The following PRIMA1 variants were observed in gnomAD, a reference collection of about 807,000 sequenced individuals.
PRIMA1 encodes proline rich membrane anchor 1.
A neutral mutation model predicts 17.5 loss-of-function variants in PRIMA1; 7 were observed. The ratio of observed to expected loss-of-function variants is 0.40; its 90% CI spans 0.23 to 0.75. The LOEUF is 0.75. Ranked by LOEUF, PRIMA1 falls within the 30% of genes least tolerant of loss-of-function variation. The pLI is 0.37. For synonymous variants in PRIMA1, 97 were observed against 77.9 expected, an observed-to-expected ratio of 1.25 and a Z score of -1.29; for missense variants, 200 against 201.8, an observed-to-expected ratio of 0.99 and a Z score of 0.05.
intron 4 of PRIMA1, among the ~76,000 whole-genome samples, chr14:93,731,267 G>A (rs1204342380): frequency 6.6e-6 from 1 of 152,234 alleles, no homozygotes; most frequent in Non-Finnish European, 1.5e-5. Flanking sequence ...ATCTTCCACA[G>A]TGGAAAGTAA....
chr14:93,743,909 C>T (rs914107757), intron 3 of PRIMA1, among the ~76,000 whole-genome samples: 4 of 152,216 alleles, frequency 2.6e-5, no homozygotes, highest in East Asian at 1.9e-4. Flanking sequence ...TGAAAGGGGG[C>T]GGGACGCTGA....
At chr14:93,729,911 A>G (rs1595191514) in intron 4 of PRIMA1, among the ~76,000 whole-genome samples, 4 of 132,592 alleles carry the variant, frequency 3.0e-5, no homozygotes, top group East Asian at 4.3e-4. Context: ...GTTGAGAGGG[A>G]GGGGGCAGGA....
intron 3 of PRIMA1, among the ~76,000 whole-genome samples, chr14:93,771,048 G>T (rs141867219): frequency 2.1e-4 from 13 of 60,738 alleles, no homozygotes; most frequent in African/African-American, 5.6e-4. Context: ...AATTCAAAGT[G>T]AGTGCATGTA....
At chr14:93,732,783 G>C (rs2076123208) in intron 4 of PRIMA1, among the ~76,000 whole-genome samples, 1 of 151,334 alleles carries the variant, frequency 6.6e-6, no homozygotes, top group Non-Finnish European at 1.5e-5. Flanking sequence ...AGGCCACAGA[G>C]GGAAGCGATA....
At position 93,787,714 on chromosome 14, in the gene PRIMA1, A is replaced by T; in HGVS notation, c.5T>A (p.Leu2His). MLLRDLVLRRGC... is the reference protein window; with the variant it reads MHLRDLVLRRGC... ...ACGGCGCAGCACCAAGTCCCGGAGG[A>T]GCATCTCGGCCAGCGGCGCCCGCTC... The change falls in exon 2 of 5, where the codon CTC becomes CAC. Residue 2 changes from leucine (L) to histidine (H), a missense_variant. Coordinates refer to ENST00000393140, the MANE Select transcript of PRIMA1 (RefSeq NM_178013.4). 1 of 1,543,532 alleles carries T rather than the reference A, an allele frequency of 6.5e-7. No homozygotes were observed. Among genetic ancestry groups the T allele is most frequent in the Non-Finnish European group, 8.7e-7 (1 of 1,146,508 alleles).
intron 3 of PRIMA1, among the ~76,000 whole-genome samples, chr14:93,762,561 C>T (rs897919152): frequency 1.3e-5 from 2 of 152,104 alleles, no homozygotes; most frequent in Admixed American, 1.3e-4. Flanking sequence ...ACCATTCTCA[C>T]ATCCCCCCTG....
At chr14:93,743,979 C>T (rs371483749) in intron 3 of PRIMA1, among the ~76,000 whole-genome samples, 2 of 152,210 alleles carry the variant, frequency 1.3e-5, no homozygotes, top group Non-Finnish European at 2.9e-5. Flanking sequence ...CTGAAGCGCC[C>T]GCTGGTTTTG....
chr14:93,775,116 C>G (rs1176190364), intron 3 of PRIMA1, among the ~76,000 whole-genome samples: 3 of 152,106 alleles, frequency 2.0e-5, no homozygotes, highest in Non-Finnish European at 2.9e-5. Context: ...AGAACAGGTG[C>G]CTGGCAAATG....
intron 4 of PRIMA1, chr14:93,725,790 C>T (rs2076071634): frequency 1.1e-5 from 4 of 361,622 alleles, no homozygotes; most frequent in Middle Eastern, 4.4e-4. Flanking sequence ...GCTGGCCCCA[C>T]CGGCTGGCAG....
At chr14:93,782,006 G>A (rs112054850) in intron 2 of PRIMA1, among the ~76,000 whole-genome samples, 15,963 of 150,404 alleles carry the variant, frequency 0.11, 886 homozygotes, top group Admixed American at 0.2. Flanking sequence ...AGTGGCTCAC[G>A]CCTGTAATCC....
chr14:93,746,436 G>A (rs556023014), intron 3 of PRIMA1, among the ~76,000 whole-genome samples: 1 of 152,098 alleles, frequency 6.6e-6, no homozygotes, highest in Non-Finnish European at 1.5e-5. Context: ...CAGGTATCTG[G>A]GGGAAGGAAT....
rs1595183174 is a variant in PRIMA1, at chr14:93,718,438, T to C, written c.*3006A>G. On this transcript the variant is annotated 3_prime_UTR_variant, in exon 5 of 5. Transcript: ENST00000393140. ...GAAACCAACCTTAATGGCTTGTTGG[T>C]GGATAAGACGGCATCAACTTGTACA... 1.3e-5 allele frequency: 2 copies of C among 152,674 alleles called. No individual in the cohort carries two copies. The highest frequency in any genetic ancestry group is 1.5e-5 in the Non-Finnish European group (1 of 68,034). 9.5% of individuals were successfully genotyped at this position (152,674 alleles called of 1,614,324 possible). A position where few individuals can be genotyped will look rare whatever the true frequency, so the allele number is the denominator to read the frequency against.
At chr14:93,784,769 G>A (rs534672532) in intron 2 of PRIMA1, among the ~76,000 whole-genome samples, 49 of 152,208 alleles carry the variant, frequency 3.2e-4, no homozygotes, top group Non-Finnish European at 4.6e-4. Context: ...CTCTTGCCCC[G>A]GGTCCAAGCT....
chr14:93,781,960 A>T (rs72631625), intron 2 of PRIMA1, among the ~76,000 whole-genome samples: 8 of 150,912 alleles, frequency 5.3e-5, no homozygotes, highest in Admixed American at 5.3e-4. Context: ...GCGACAGAGC[A>T]AAACTCCAGT....
rs1374714796 is a variant in PRIMA1, at chr14:93,718,575, A to G, written c.*2869T>C. ...CACATTCATGCATTACGTATCTCAC[A>G]CTACCTGGGCAGTTTAACTCATACT... On this transcript the variant is annotated 3_prime_UTR_variant, in exon 5 of 5. Coordinates refer to ENST00000393140, the MANE Select transcript of PRIMA1 (RefSeq NM_178013.4). 6.6e-6 allele frequency: 1 copy of G among 152,572 alleles called. No homozygotes were observed. Among genetic ancestry groups the G allele is most frequent in the East Asian group, 1.9e-4 (1 of 5,200 alleles). The allele number at this position is 152,572 out of a possible 1,614,324, so 9.5% of individuals were successfully genotyped here. A position where few individuals can be genotyped will look rare whatever the true frequency, so the allele number is the denominator to read the frequency against.
At chr14:93,756,549 C>T (rs563332753) in intron 3 of PRIMA1, among the ~76,000 whole-genome samples, 5 of 152,244 alleles carry the variant, frequency 3.3e-5, no homozygotes, top group Non-Finnish European at 5.9e-5. Context: ...GACCCCGCCC[C>T]GGCCCTATCG....
At chr14:93,749,412 G>A (rs952517315) in intron 3 of PRIMA1, among the ~76,000 whole-genome samples, 1 of 152,218 alleles carries the variant, frequency 6.6e-6, no homozygotes, top group African/African-American at 2.4e-5. Flanking sequence ...ACTGGGGACA[G>A]GATGGACCCT....
chr14:93,770,582 C>T (rs74819549), intron 3 of PRIMA1, among the ~76,000 whole-genome samples: 2,841 of 152,316 alleles, frequency 0.019, 97 homozygotes, highest in African/African-American at 0.065. Flanking sequence ...AATGGCATCT[C>T]AGGTCCACAT....
rs533454591 is a variant in PRIMA1, at chr14:93,765,686, G to A, written c.229+13490C>T. Among the ~76,000 whole-genome samples, 6 of 152,134 alleles carry A rather than the reference G, an allele frequency of 3.9e-5. No homozygotes were observed. In the South Asian group the frequency reaches 6.3e-4, roughly 16 times the overall value. On this transcript the variant is annotated intron_variant, in intron 3 of 4. Transcript: ENST00000393140. Reference sequence around the variant, plus strand: ...AGGTGTTAGCTGCTGAATCAGGACCGTGGGAATAAGCTTGCAAGTGATAAG... The same window carrying A: ...AGGTGTTAGCTGCTGAATCAGGACCATGGGAATAAGCTTGCAAGTGATAAG...
Sources: allele counts gnomAD v4.1 joint callset (sites outside exome capture counted in the v4.1 genomes callset), GRCh38; gene constraint gnomAD v4.1.1; transcripts MANE v1.5; gene names NCBI Gene and HGNC (gene_info 2026-07-23, HGNC 2026-07-21).